HERC3: variants seen among roughly 807,000 people sequenced by gnomAD.
HERC3 encodes probable E3 ubiquitin-protein ligase HERC3.
In HERC3, 58 loss-of-function variants were observed where a neutral mutation model predicts 129.9. The ratio of observed to expected loss-of-function variants is 0.45; its 90% CI spans 0.36 to 0.56. The LOEUF (loss-of-function observed/expected upper bound fraction) is 0.56. Ranked by LOEUF, HERC3 falls within the 20% of genes least tolerant of loss-of-function variation. The pLI, the probability that HERC3 is intolerant of heterozygous loss-of-function variation, is 0.00. For missense variants in HERC3, 835 were observed against 1,244.2 expected, an observed-to-expected ratio of 0.67 and a Z score of 4.95; for synonymous variants, 430 against 451.0, an observed-to-expected ratio of 0.95 and a Z score of 0.59.
At chr4:88,644,184 A>C (rs1353266505) in intron 3 of HERC3, among the ~76,000 whole-genome samples, 1 of 152,234 alleles carries the variant, frequency 6.6e-6, no homozygotes, top group Non-Finnish European at 1.5e-5. Context: ...GTGTTAATGC[A>C]AAATGGGATG....
chr4:88,628,871 C>T (rs1261914649), intron 3 of HERC3, among the ~76,000 whole-genome samples: 1 of 152,064 alleles, frequency 6.6e-6, no homozygotes, highest in Non-Finnish European at 1.5e-5. Flanking sequence ...GTAAGAAGTC[C>T]TTTCAAAAAC....
At chr4:88,652,136 A>G in intron 5 of HERC3, 48 bp downstream of exon 5, 1 of 1,351,044 alleles carries the variant, frequency 7.4e-7, no homozygotes. Flanking sequence ...TTTTGAAAAC[A>G]TTTCTCTTTG....
intron 3 of HERC3, among the ~76,000 whole-genome samples, chr4:88,617,849 C>T (rs957495476): frequency 2.0e-5 from 3 of 150,626 alleles, no homozygotes; most frequent in African/African-American, 2.4e-5. Context: ...CCAGCCTGGG[C>T]GACACAGCGA....
chr4:88,542,310 A>G, the HERC3 span, among the ~76,000 whole-genome samples: 5 of 152,194 alleles, frequency 3.3e-5, no homozygotes, highest in Non-Finnish European at 5.9e-5. Context: ...AATACTATAA[A>G]CACCTCTACA....
At chr4:88,642,023 C>T (rs763915657) in intron 3 of HERC3, among the ~76,000 whole-genome samples, 99 of 149,050 alleles carry the variant, frequency 6.6e-4, no homozygotes, top group Admixed American at 1.1e-3. Flanking sequence ...CTCTGCTACT[C>T]GGGAGGCTGA....
intron 2 of HERC3, among the ~76,000 whole-genome samples, chr4:88,603,546 C>G (rs958029550): frequency 2.0e-5 from 3 of 152,134 alleles, no homozygotes; most frequent in Admixed American, 1.3e-4. Context: ...ATAGGAGCAT[C>G]TACTGTTTTA....
intron 23 of HERC3, among the ~76,000 whole-genome samples, chr4:88,692,685 C>T (rs1734199022): frequency 6.6e-6 from 1 of 152,184 alleles, no homozygotes; most frequent in Admixed American, 6.5e-5. Context: ...AAATATTTTA[C>T]ATGTAAGACT....
chr4:88,614,789 A>G (rs1387102774), intron 3 of HERC3, among the ~76,000 whole-genome samples: 2 of 152,116 alleles, frequency 1.3e-5, no homozygotes, highest in East Asian at 1.9e-4. Flanking sequence ...TAGATTCCTC[A>G]TTTGTTTTAA....
the HERC3 span, among the ~76,000 whole-genome samples, chr4:88,585,289 C>T: frequency 6.6e-6 from 1 of 152,214 alleles, no homozygotes; most frequent in Admixed American, 6.5e-5. Flanking sequence ...TATTCAACCA[C>T]AGCAGGTTAC....
chr4:88,535,757 A>C, the HERC3 span, among the ~76,000 whole-genome samples: 1 of 152,160 alleles, frequency 6.6e-6, no homozygotes, highest in Non-Finnish European at 1.5e-5. Flanking sequence ...TCTAATCCCA[A>C]TTACCTCTCA....
chr4:88,540,199 G>T, the HERC3 span, among the ~76,000 whole-genome samples: 5 of 152,168 alleles, frequency 3.3e-5, no homozygotes, highest in African/African-American at 9.7e-5. Flanking sequence ...TTGAAAAAAG[G>T]TTAGACGAAT....
upstream of HERC3, among the ~76,000 whole-genome samples, chr4:88,590,234 C>T (rs1721628714): frequency 2.0e-5 from 3 of 151,878 alleles, no homozygotes; most frequent in South Asian, 6.2e-4. Flanking sequence ...CGCCACTGCA[C>T]TCCATCCCAG....
chr4:88,577,192 C>T, the HERC3 span, among the ~76,000 whole-genome samples: 2 of 152,096 alleles, frequency 1.3e-5, no homozygotes, highest in South Asian at 2.1e-4. Flanking sequence ...AGAAAATAGG[C>T]CTCTGTTTTG....
At chr4:88,699,877 G>T (rs1361663654) in intron 23 of HERC3, among the ~76,000 whole-genome samples, 1 of 152,096 alleles carries the variant, frequency 6.6e-6, no homozygotes, top group African/African-American at 2.4e-5. Flanking sequence ...AGTAAAATTT[G>T]TCCTTTTGGG....
Position 88,658,398 on chromosome 4 carries a change from A to C in HERC3, c.1070-17A>C, listed in dbSNP as rs1730141877. 6.6e-7 allele frequency: 1 copy of C among 1,510,334 alleles called. No individual in the cohort carries two copies. The highest frequency in any genetic ancestry group is 9.1e-7 in the Non-Finnish European group (1 of 1,102,668). The allele number at this position is 1,510,334 out of a possible 1,614,324, so 93.6% of individuals were successfully genotyped here. Reference sequence around the variant, plus strand: ...CAATTAATGAAAAATATGCTTTCGGAATTTTTTTTTTGACAGATCGCTTTA... The same window carrying C: ...CAATTAATGAAAAATATGCTTTCGGCATTTTTTTTTTGACAGATCGCTTTA... On this transcript the variant is annotated splice_polypyrimidine_tract_variant and intron_variant, in intron 9 of 25. Coordinates refer to ENST00000402738, the MANE Select transcript of HERC3 (RefSeq NM_014606.3).
chr4:88,650,043 T>C lies in HERC3; in HGVS notation c.386+44T>C, dbSNP rs767679632. ...GTCAGTCGTTTTAAATGCTATTTCCTGCTGTTGATTTGTTAGACTCCTTGT... is the reference window on the plus strand; with the variant it reads ...GTCAGTCGTTTTAAATGCTATTTCCCGCTGTTGATTTGTTAGACTCCTTGT... On this transcript the variant is annotated intron_variant, in intron 4 of 25. Coordinates refer to ENST00000402738, the MANE Select transcript of HERC3 (RefSeq NM_014606.3). 9.5e-6 allele frequency: 15 copies of C among 1,578,334 alleles called. No homozygotes were observed. In the African/African-American group the frequency reaches 1.1e-4, roughly 11 times the overall value.
intron 3 of HERC3, among the ~76,000 whole-genome samples, chr4:88,646,457 T>C (rs1380009642): frequency 6.6e-6 from 1 of 152,340 alleles, no homozygotes; most frequent in Non-Finnish European, 1.5e-5. Flanking sequence ...CTAAAGAGTT[T>C]TAAAAACTTT....
chr4:88,559,998 C>T, the HERC3 span, among the ~76,000 whole-genome samples: 2 of 143,738 alleles, frequency 1.4e-5, no homozygotes, highest in Non-Finnish European at 3.0e-5. Flanking sequence ...CTTGCTCTGT[C>T]GCCCAGGCTG....
intron 3 of HERC3, among the ~76,000 whole-genome samples, chr4:88,618,432 A>G (rs904875637): frequency 6.6e-6 from 1 of 152,200 alleles, no homozygotes; most frequent in African/African-American, 2.4e-5. Flanking sequence ...TATAATTCAG[A>G]TTGGCTAGCT....
Sources: gnomAD v4.1 joint callset for allele counts (sites outside exome capture counted in the v4.1 genomes callset) on GRCh38, gnomAD v4.1.1 for gene constraint, MANE v1.5 for transcripts, NCBI Gene and HGNC (gene_info 2026-07-23, HGNC 2026-07-21) for gene names.